WDFY3: variants seen among roughly 807,000 people sequenced by gnomAD.
WDFY3 encodes WD repeat and FYVE domain-containing protein 3.
WDFY3 carries 66 observed loss-of-function variants against 409.6 expected under a neutral mutation model. That is an observed-to-expected ratio of 0.16 (90% confidence interval 0.13 to 0.20). The LOEUF is 0.20. Ranked by LOEUF, WDFY3 falls within the 10% of genes least tolerant of loss-of-function variation. The pLI is 1.00. For synonymous variants in WDFY3, 1,521 were observed against 1,537.1 expected (o/e 0.99, Z 0.25); for missense variants, 3,031 against 4,298.1 (o/e 0.71, Z 8.24).
rs565676800 is a variant in WDFY3, at chr4:84,940,402, C to T, written c.-225-8039G>A. ...TTTGTTTCAGTGGATTAGGATTCTC[C>T]CCATTTCCGTCCTTATTTTGAATAC... is the stretch of plus-strand genomic sequence containing the variant. On this transcript the variant is annotated intron_variant, in intron 1 of 67. Coordinates refer to ENST00000295888, the MANE Select transcript of WDFY3 (RefSeq NM_014991.6). Among the ~76,000 whole-genome samples, 8 of 152,004 alleles carry T rather than the reference C, an allele frequency of 5.3e-5. No individual in the cohort carries two copies. In the South Asian group the frequency reaches 1.7e-3, roughly 32 times the overall value.
At chr4:84,872,328 G>A (rs1762233814) in intron 3 of WDFY3, among the ~76,000 whole-genome samples, 1 of 151,980 alleles carries the variant, frequency 6.6e-6, no homozygotes, top group Non-Finnish European at 1.5e-5. Context: ...AGCCAGGCGT[G>A]GTGGAGGGCG....
Position 84,718,191 on chromosome 4 carries a change from G to A in WDFY3, c.7754+231C>T, listed in dbSNP as rs544772694. ...CATTATAATATAAATAACTCAGAAT[G>A]CACAGAAATAAATGTTATTTAGCTT... is the stretch of plus-strand genomic sequence containing the variant. On this transcript the variant is annotated intron_variant, in intron 48 of 67. Coordinates refer to ENST00000295888, the MANE Select transcript of WDFY3 (RefSeq NM_014991.6). Among the ~76,000 whole-genome samples the A allele has an allele frequency of 1.1e-4, 16 of 150,876 alleles. No individual in the cohort carries two copies. The East Asian group carries it at 2.9e-3, about 28-fold the overall frequency.
chr4:84,705,660 G>A, intron 53 of WDFY3, 149 bp from the exon 54 acceptor site: 1 of 662,428 alleles, frequency 1.5e-6, no homozygotes, highest in Non-Finnish European at 2.7e-6. Flanking sequence ...CCAAAATAAT[G>A]CTATATATGT....
intron 7 of WDFY3, among the ~76,000 whole-genome samples, chr4:84,833,726 C>A (rs1232956503): frequency 1.5e-5 from 2 of 134,102 alleles, no homozygotes; most frequent in East Asian, 2.0e-4. Context: ...CAGAAGAGAA[C>A]AGAAGAGAAC....
intron 24 of WDFY3, among the ~76,000 whole-genome samples, chr4:84,783,531 A>G (rs1746942221): frequency 6.6e-6 from 1 of 152,178 alleles, no homozygotes; most frequent in South Asian, 2.1e-4. Context: ...TAAGTTAAAC[A>G]CAATTTACTG....
In WDFY3 at chr4:84,792,793, C is replaced by T. The variant is rs181439711; in HGVS notation, c.3487+1726G>A. ...TAAATTCTAGGGTGTCTTCAAATTC[C>T]CCATTATTATTCACTTTTCTCGTTG... On this transcript the variant is annotated intron_variant, in intron 21 of 67. Coordinates refer to ENST00000295888, the MANE Select transcript of WDFY3 (RefSeq NM_014991.6). Among the ~76,000 whole-genome samples the T allele has an allele frequency of 2.2e-3, 331 of 152,238 alleles. 2 individuals are homozygous for T. The highest frequency in any genetic ancestry group is 3.6e-3 in the Non-Finnish European group (247 of 68,008).
chr4:84,822,055 T>C (rs974824367), intron 10 of WDFY3, among the ~76,000 whole-genome samples: 1 of 152,190 alleles, frequency 6.6e-6, no homozygotes, highest in Non-Finnish European at 1.5e-5. Flanking sequence ...AATTTTAAGC[T>C]GGAAGTTTGT....
intron 27 of WDFY3, 71 bp downstream of exon 27, chr4:84,778,432 T>C (rs1745925635): frequency 7.6e-7 from 1 of 1,323,242 alleles, no homozygotes; most frequent in East Asian, 2.6e-5. Context: ...AGAGATAAAA[T>C]AGTTTATAAT....
In WDFY3 at chr4:84,671,637, A is replaced by G. The variant is rs1049565654; in HGVS notation, c.*1231T>C. The G allele has an allele frequency of 3.9e-5, 6 of 152,478 alleles. No homozygotes were observed. Among genetic ancestry groups the G allele is most frequent in the Non-Finnish European group, 8.8e-5 (6 of 68,004 alleles). The allele number at this position is 152,478 out of a possible 1,614,324, so 9.4% of individuals were successfully genotyped here. The stretch of plus-strand genomic sequence containing the variant: ...GTATCCAACTAGTAGAACAAATTAA[A>G]TAACTAAATATTAAAATACTGTAAT... On this transcript the variant is annotated 3_prime_UTR_variant, in exon 68 of 68. Transcript: ENST00000295888.
intron 1 of WDFY3, among the ~76,000 whole-genome samples, chr4:84,958,400 C>A (rs997441289): frequency 6.6e-6 from 1 of 152,086 alleles, no homozygotes; most frequent in African/African-American, 2.4e-5. Flanking sequence ...AACATTAATT[C>A]AATGAAATAA....
intron 13 of WDFY3, among the ~76,000 whole-genome samples, chr4:84,814,802 A>T (rs1042448744): frequency 3.3e-5 from 5 of 152,178 alleles, no homozygotes; most frequent in African/African-American, 1.2e-4. Flanking sequence ...ATTAAATGTT[A>T]TCACAGGTAT....
Position 84,671,484 on chromosome 4 carries a change from AATAT to A in WDFY3, c.*1380_*1383del, listed in dbSNP as rs951885827. 7 of 149,274 alleles carry A rather than the reference AATAT, an allele frequency of 4.7e-5. No individual in the cohort carries two copies. Among genetic ancestry groups the A allele is most frequent in the Non-Finnish European group, 7.4e-5 (5 of 67,302 alleles). The allele number at this position is 149,274 out of a possible 1,614,324, so 9.2% of individuals were successfully genotyped here. A position where few individuals can be genotyped will look rare whatever the true frequency, so the allele number is the denominator to read the frequency against. Reference sequence around the variant, plus strand: ...AATCTAGATTAATTGTTTCATTTTTAATATATATTATATATATATATATATGTAC... The same window carrying A: ...AATCTAGATTAATTGTTTCATTTTTAATATTATATATATATATATATGTAC... On this transcript the variant is annotated 3_prime_UTR_variant, in exon 68 of 68. Coordinates refer to ENST00000295888, the MANE Select transcript of WDFY3 (RefSeq NM_014991.6).
At position 84,694,051 on chromosome 4, in the gene WDFY3, C is replaced by T. The variant is rs557087126; in HGVS notation, c.8902-1019G>A. ...ATGAGATTTAAGATAAATACGACAC[C>T]ATCACACTTTGTAAATTAGATATTT... is the stretch of plus-strand genomic sequence containing the variant. On this transcript the variant is annotated intron_variant, in intron 58 of 67. Transcript: ENST00000295888. 7.9e-5 allele frequency among the ~76,000 whole-genome samples: 12 copies of T among 152,092 alleles called. No individual in the cohort carries two copies. The South Asian group carries it at 2.5e-3, about 32-fold the overall frequency.
At chr4:84,690,381 G>T (rs187264198) in intron 61 of WDFY3, 125 bp downstream of exon 61, 13 of 1,333,080 alleles carry the variant, frequency 9.8e-6, no homozygotes, top group Non-Finnish European at 1.3e-5. Context: ...GCAACAGAAC[G>T]TCACTTTGGT....
intron 2 of WDFY3, among the ~76,000 whole-genome samples, chr4:84,897,844 T>C (rs1259575244): frequency 6.6e-6 from 1 of 152,176 alleles, no homozygotes; most frequent in African/African-American, 2.4e-5. Flanking sequence ...GGATCAAATA[T>C]TGAAAATCGC....
At chr4:84,709,669 T>C (rs1732559108) in intron 51 of WDFY3, among the ~76,000 whole-genome samples, 1 of 152,242 alleles carries the variant, frequency 6.6e-6, no homozygotes, top group African/African-American at 2.4e-5. Flanking sequence ...TATTTTTTAC[T>C]CTAGGTCATA....
At chr4:84,847,381 A>G (rs892700839) in intron 5 of WDFY3, among the ~76,000 whole-genome samples, 7 of 152,148 alleles carry the variant, frequency 4.6e-5, no homozygotes, top group Admixed American at 3.9e-4. Context: ...ATTCTCTAAC[A>G]TAAGAGACAA....
chr4:84,674,965 A>C (rs915548546), intron 67 of WDFY3, among the ~76,000 whole-genome samples: 1 of 150,302 alleles, frequency 6.7e-6, no homozygotes, highest in Non-Finnish European at 1.5e-5. Flanking sequence ...TGGGTTTTTA[A>C]ATTTATTATC....
At chr4:84,960,825 A>C (rs1477739688) in intron 1 of WDFY3, among the ~76,000 whole-genome samples, 1 of 152,180 alleles carries the variant, frequency 6.6e-6, no homozygotes, top group Non-Finnish European at 1.5e-5. Context: ...TGAATGAATG[A>C]TATCTTATTC....
Sources: gnomAD v4.1 joint callset for allele counts (sites outside exome capture counted in the v4.1 genomes callset) on GRCh38, gnomAD v4.1.1 for gene constraint, MANE v1.5 for transcripts, NCBI Gene and HGNC (gene_info 2026-07-23, HGNC 2026-07-21) for gene names.